Variants in PRPH2 observed in about 807,000 individuals in gnomAD.
PRPH2 encodes the protein peripherin 2.
PRPH2 carries 17 observed loss-of-function variants against 31.3 expected under a neutral mutation model. The observed-to-expected ratio is 0.54, with a 90% confidence interval of 0.37 to 0.81. PRPH2 has a LOEUF of 0.81. PRPH2 is among the 40% of genes least tolerant of loss of function. The probability of loss-of-function intolerance (pLI) is 0.00; values close to 1 mark genes in which losing one functional copy is unlikely to be tolerated. For synonymous variants in PRPH2, 165 were observed against 184.4 expected (o/e 0.89, Z 0.85); for missense variants, 430 against 439.7 (o/e 0.98, Z 0.20).
At position 42,722,393 on chromosome 6, in the gene PRPH2, C is replaced by A; in HGVS notation, c.-59G>T. On this transcript the variant is annotated 5_prime_UTR_variant, in exon 1 of 3. Coordinates refer to ENST00000230381, the MANE Select transcript of PRPH2 (RefSeq NM_000322.5). The surrounding 1 kb of genome is among the most constrained non-coding windows in gnomAD (Gnocchi z 4.4). ...GCACAGCTCCCACCCCAAACCTTAA[C>A]GAGCCCAGAGGCGGAGACTTAGGGC... 1.2e-6 allele frequency: 2 copies of A among 1,605,216 alleles called. No individual in the cohort carries two copies. The highest frequency in any genetic ancestry group is 1.7e-6 in the Non-Finnish European group (2 of 1,178,814).
chr6:42,722,314 C>A lies in PRPH2; in HGVS notation c.21G>T (p.Lys7Asn), dbSNP rs1582781191. ...ACTTGACCCGCTTCTTCTGGTCAAA[C>A]TTGACTTTCAGTAGCGCCATGCTTG... MALLKV[K>N]FDQKKRVKLA... The change falls in exon 1 of 3, where the codon AAG becomes AAT. Residue 7 changes from lysine (K) to asparagine (N), a missense_variant. Transcript: ENST00000230381. The surrounding 1 kb of genome is among the most constrained non-coding windows in gnomAD (Gnocchi z 4.4). 6 of 1,613,854 alleles carry A rather than the reference C, an allele frequency of 3.7e-6. No homozygotes were observed. Among genetic ancestry groups the A allele is most frequent in the African/African-American group, 1.3e-5 (1 of 74,940 alleles).
rs778157510 is a variant in PRPH2 at position 42,696,784 on chromosome 6, G to A, written c.*1511C>T. ...GTATGGATCATTCCTTGGCCTCAAC[G>A]AGATTCAGAAATCTAATTAAACTTG... On this transcript the variant is annotated 3_prime_UTR_variant, in exon 3 of 3. Transcript: ENST00000230381. 3 of 152,034 alleles carry A rather than the reference G, an allele frequency of 2.0e-5. No individual in the cohort carries two copies. Among genetic ancestry groups the A allele is most frequent in the Admixed American group, 6.6e-5 (1 of 15,250 alleles). 9.4% of individuals were successfully genotyped at this position (152,034 alleles called of 1,614,324 possible). A position where few individuals can be genotyped will look rare whatever the true frequency, so the allele number is the denominator to read the frequency against.
intron 1 of PRPH2, among the ~76,000 whole-genome samples, chr6:42,719,567 C>CTTTTTTT (rs35810763): frequency 9.0e-6 from 1 of 111,062 alleles, no homozygotes; most frequent in Non-Finnish European, 1.8e-5. Flanking sequence ...ACTAAATTGT[C>CTTTTTTT]TTTTTTTTTT....
chr6:42,718,299 C>CAAAA (rs3076888), intron 1 of PRPH2, among the ~76,000 whole-genome samples: 1 of 118,186 alleles, frequency 8.5e-6, no homozygotes, highest in Non-Finnish European at 1.8e-5. Context: ...GACCCTGTCT[C>CAAAA]AAAAAAAAAA....
chr6:42,700,056 T>C (rs1020678544), intron 2 of PRPH2, among the ~76,000 whole-genome samples: 1 of 151,374 alleles, frequency 6.6e-6, no homozygotes, highest in African/African-American at 2.4e-5. Context: ...CCTCCCGGGT[T>C]CAAGCAAGTC....
chr6:42,703,339 G>T (rs1294753759), intron 2 of PRPH2, among the ~76,000 whole-genome samples: 2 of 152,240 alleles, frequency 1.3e-5, no homozygotes, highest in African/African-American at 4.8e-5. Context: ...GAGCGTTGCA[G>T]ATAAGATGAA....
At chr6:42,712,317 T>C (rs1652394753) in intron 1 of PRPH2, among the ~76,000 whole-genome samples, 1 of 152,142 alleles carries the variant, frequency 6.6e-6, no homozygotes. Flanking sequence ...ATTCCGAGAC[T>C]ATCAGGGAAA....
At chr6:42,712,269 A>C (rs992544297) in intron 1 of PRPH2, among the ~76,000 whole-genome samples, 1 of 152,208 alleles carries the variant, frequency 6.6e-6, no homozygotes, top group African/African-American at 2.4e-5. Flanking sequence ...CAAAGCATGG[A>C]CTTGGTTTGG....
At chr6:42,708,089 C>T (rs976132516) in intron 1 of PRPH2, among the ~76,000 whole-genome samples, 21 of 152,168 alleles carry the variant, frequency 1.4e-4, no homozygotes, top group African/African-American at 4.6e-4. Context: ...GGCAGGTGGC[C>T]GAGCAAGAGC....
At chr6:42,701,306 T>C (rs1296277796) in intron 2 of PRPH2, among the ~76,000 whole-genome samples, 3 of 152,016 alleles carry the variant, frequency 2.0e-5, no homozygotes, top group Admixed American at 2.0e-4. Context: ...TATTTTTAGG[T>C]AGAGACAGGG....
At chr6:42,698,561 G>A (rs567160089) in intron 2 of PRPH2, 54 bp from the exon 3 acceptor site, 48 of 1,607,070 alleles carry the variant, frequency 3.0e-5, no homozygotes, top group Non-Finnish European at 4.0e-5. Flanking sequence ...CTGGGAGCTG[G>A]ACCATTAGGA....
At chr6:42,705,625 T>C (rs1467240747) in intron 1 of PRPH2, among the ~76,000 whole-genome samples, 1 of 126,010 alleles carries the variant, frequency 7.9e-6, no homozygotes, top group Non-Finnish European at 1.7e-5. Flanking sequence ...TATATATATA[T>C]ATATATTTGT....
intron 2 of PRPH2, among the ~76,000 whole-genome samples, chr6:42,699,808 G>A (rs541098873): frequency 6.6e-6 from 1 of 152,220 alleles, no homozygotes; most frequent in Non-Finnish European, 1.5e-5. Context: ...AGCCAAGATG[G>A]GAGGATCTCA....
At chr6:42,703,976 C>T (rs975930752) in intron 2 of PRPH2, among the ~76,000 whole-genome samples, 1 of 151,906 alleles carries the variant, frequency 6.6e-6, no homozygotes, top group African/African-American at 2.4e-5. Context: ...TGGCACATGC[C>T]TGTAGTCCCA....
chr6:42,719,839 G>C (rs1045038357), intron 1 of PRPH2, among the ~76,000 whole-genome samples: 4 of 152,108 alleles, frequency 2.6e-5, no homozygotes, highest in African/African-American at 9.7e-5. Context: ...AAAGTGCTGG[G>C]ATTACAGGTG....
chr6:42,706,103 T>C (rs1450719461), intron 1 of PRPH2, among the ~76,000 whole-genome samples: 1 of 151,780 alleles, frequency 6.6e-6, no homozygotes, highest in Non-Finnish European at 1.5e-5. Context: ...AAACCTCATC[T>C]CTACAATTAA....
intron 1 of PRPH2, among the ~76,000 whole-genome samples, chr6:42,708,023 G>T (rs1173613895): frequency 6.6e-6 from 1 of 152,212 alleles, no homozygotes; most frequent in Non-Finnish European, 1.5e-5. Context: ...AGTGCTTGAA[G>T]AGTGCTGGTA....
intron 2 of PRPH2, among the ~76,000 whole-genome samples, chr6:42,700,754 G>A (rs1800031023): frequency 6.6e-6 from 1 of 152,078 alleles, no homozygotes; most frequent in Non-Finnish European, 1.5e-5. Context: ...TCTCCTGACT[G>A]GATTGTGAAG....
rs1194169404 is a variant in PRPH2 at position 42,705,599 on chromosome 6, A to AAT, written c.582-990_582-989dup. Among the ~76,000 whole-genome samples, 183 of 21,520 alleles carry AAT rather than the reference A, an allele frequency of 8.5e-3. 1 individual carries two copies. The highest frequency in any genetic ancestry group is 0.067 in the Middle Eastern group (2 of 30). The allele number at this position is 21,520 out of a possible 152,430, so 14.1% of individuals were successfully genotyped here. On this transcript the variant is annotated intron_variant, in intron 1 of 2. Transcript: ENST00000230381. ...TAAAAAAAAAAAAAAAAAAAAAAAA[A>AAT]ATATATATATATATATATATATATA... is the stretch of plus-strand genomic sequence containing the variant.
Sources: gnomAD v4.1 joint callset for allele counts (sites outside exome capture counted in the v4.1 genomes callset) on GRCh38, gnomAD v4.1.1 for gene constraint, Gnocchi (gnomAD v3.1) non-coding constraint, MANE v1.5 for transcripts, NCBI Gene and HGNC (gene_info 2026-07-23, HGNC 2026-07-21) for gene names.